ABCD2: variants seen among roughly 807,000 people sequenced by gnomAD.
ABCD2 encodes ATP-binding cassette sub-family D member 2.
A neutral mutation model predicts 70.9 loss-of-function variants in ABCD2; 36 were observed. The observed-to-expected ratio is 0.51, with a 90% CI of 0.39 to 0.67. The LOEUF (loss-of-function observed/expected upper bound fraction) is 0.67. Ranked by LOEUF, ABCD2 falls within the 30% of genes least tolerant of loss-of-function variation. The probability of loss-of-function intolerance (pLI) is 0.00; values close to 1 mark genes in which losing one functional copy is unlikely to be tolerated. For missense variants in ABCD2, 729 were observed against 890.2 expected (o/e 0.82, Z 2.30); for synonymous variants, 304 against 306.9 (o/e 0.99, Z 0.10).
chr12:39,608,624 G>A (rs1942004126), intron 2 of ABCD2, among the ~76,000 whole-genome samples: 2 of 152,056 alleles, frequency 1.3e-5, no homozygotes, highest in Non-Finnish European at 2.9e-5. Flanking sequence ...GGAGGTGAAG[G>A]TTGCAGTGAG....
At position 39,616,993 on chromosome 12, in the gene ABCD2, T is replaced by C; in HGVS notation, c.1115A>G (p.Asp372Gly). Residue 372 changes from aspartate (D) to glycine (G), a missense_variant, in exon 2 of 10, where the codon GAT becomes GGT. This residue lies in a region of ABCD2 where 195 missense variants were observed against 300.2 expected (regional missense o/e 0.65). Transcript: ENST00000308666. ...TTAAGCATAAATGTCATTACCACCA[T>C]CTGCAAAGCCAGTTGCAGTGATAAT... ...IPIITATGFA[D>G]GEDGQKQVMV... The C allele has an allele frequency of 1.3e-6, 2 of 1,583,788 alleles. No individual in the cohort carries two copies. The highest frequency in any genetic ancestry group is 1.7e-6 in the Non-Finnish European group (2 of 1,170,086).
At chr12:39,554,673 T>A (rs977434633) in intron 9 of ABCD2, among the ~76,000 whole-genome samples, 2 of 152,216 alleles carry the variant, frequency 1.3e-5, no homozygotes, top group Non-Finnish European at 2.9e-5. Context: ...TACTTCCACA[T>A]TTTTATATGA....
At chr12:39,558,364 G>C (rs562358442) in intron 9 of ABCD2, among the ~76,000 whole-genome samples, 1 of 152,256 alleles carries the variant, frequency 6.6e-6, no homozygotes, top group East Asian at 1.9e-4. Context: ...AGACATTGAG[G>C]GGCTGTTGGA....
At chr12:39,574,465 T>C (rs1193355650) in intron 8 of ABCD2, among the ~76,000 whole-genome samples, 2 of 152,252 alleles carry the variant, frequency 1.3e-5, no homozygotes, top group East Asian at 3.9e-4. Context: ...TTTTTAAGCT[T>C]ATTTTTTACT....
chr12:39,571,321 G>C (rs1168449395), intron 9 of ABCD2, among the ~76,000 whole-genome samples: 2 of 152,084 alleles, frequency 1.3e-5, no homozygotes, highest in African/African-American at 4.8e-5. Context: ...ATCAACCCTA[G>C]TGTCCATCAA....
intron 9 of ABCD2, among the ~76,000 whole-genome samples, chr12:39,556,644 G>A (rs535060222): frequency 6.6e-6 from 1 of 152,240 alleles, no homozygotes; most frequent in Middle Eastern, 3.4e-3. Context: ...ATAGCGATAT[G>A]AAAACAGACT....
At chr12:39,547,222 C>A (rs1334817895), downstream of ABCD2, among the ~76,000 whole-genome samples, 2 of 151,956 alleles carry the variant, frequency 1.3e-5, no homozygotes, top group Non-Finnish European at 2.9e-5. Context: ...GAAATTGGAG[C>A]CCTTGTGCAC....
At chr12:39,602,622 A>G (rs147994720) in intron 5 of ABCD2, among the ~76,000 whole-genome samples, 57 of 152,318 alleles carry the variant, frequency 3.7e-4, no homozygotes, top group African/African-American at 1.3e-3. Context: ...TTATGAAGAA[A>G]GTATACTTTA....
chr12:39,542,388 G>C, the ABCD2 span, among the ~76,000 whole-genome samples: 11 of 151,478 alleles, frequency 7.3e-5, no homozygotes, highest in African/African-American at 2.2e-4. Context: ...GCTTGAACCC[G>C]AGAGGTGGAG....
At chr12:39,583,037 T>C (rs1745001082) in intron 7 of ABCD2, among the ~76,000 whole-genome samples, 1 of 151,968 alleles carries the variant, frequency 6.6e-6, no homozygotes, top group Non-Finnish European at 1.5e-5. Flanking sequence ...TTTTTGTATG[T>C]TTTGTAGGGA....
chr12:39,534,701 CGGAAGGAAGGAA>C, the ABCD2 span, among the ~76,000 whole-genome samples: 4 of 111,210 alleles, frequency 3.6e-5, no homozygotes, highest in South Asian at 3.4e-4. Flanking sequence ...GAAGGAAGGA[CGGAAGGAAGGAA>C]GGAAGGAAGG....
chr12:39,544,999 G>T, the ABCD2 span, among the ~76,000 whole-genome samples: 6 of 152,158 alleles, frequency 3.9e-5, no homozygotes, highest in Non-Finnish European at 8.8e-5. Context: ...AATCCACAAA[G>T]AATTTAGAAT....
chr12:39,618,855 AT>A lies in ABCD2; in HGVS notation c.760del (p.Ile254LeufsTer6). On this transcript the variant is annotated frameshift_variant, in exon 1 of 10. Transcript: ENST00000308666. LOFTEE classifies it high-confidence loss of function. ...AAGTCCTGCTAGTAGGGTGGGCCCA[AT>A]TGGGCTTGCTCCTCTGGATGTAGCA... ...QTATSRGASP[I>X]GPTLLAGLVV... The A allele has an allele frequency of 6.2e-7, 1 of 1,614,214 alleles. No individual in the cohort carries two copies. The highest frequency in any genetic ancestry group is 8.5e-7 in the Non-Finnish European group (1 of 1,180,040).
rs1334723107 is a variant in ABCD2 at position 39,552,796 on chromosome 12, A to G, written c.*1116T>C. On this transcript the variant is annotated 3_prime_UTR_variant, in exon 10 of 10. Coordinates refer to ENST00000308666, the MANE Select transcript of ABCD2 (RefSeq NM_005164.4). Reference sequence around the variant, plus strand: ...TACACTTCGTCTAACTTTTATTGCTATTATAGCCCAGTTTGATTTAAAGGA... The same window carrying G: ...TACACTTCGTCTAACTTTTATTGCTGTTATAGCCCAGTTTGATTTAAAGGA... 6.6e-6 allele frequency: 1 copy of G among 151,944 alleles called. No homozygotes were observed. Among genetic ancestry groups the G allele is most frequent in the Non-Finnish European group, 1.5e-5 (1 of 67,856 alleles). 9.4% of individuals were successfully genotyped at this position (151,944 alleles called of 1,614,324 possible).
At chr12:39,614,695 A>T (rs1942092376) in intron 2 of ABCD2, among the ~76,000 whole-genome samples, 1 of 152,122 alleles carries the variant, frequency 6.6e-6, no homozygotes, top group Non-Finnish European at 1.5e-5. Context: ...AACCTTAAAG[A>T]TATACTATTA....
intron 3 of ABCD2, among the ~76,000 whole-genome samples, 170 bp from the exon 4 acceptor site, chr12:39,605,100 A>G (rs1252643001): frequency 1.3e-5 from 2 of 152,136 alleles, no homozygotes; most frequent in Non-Finnish European, 2.9e-5. Flanking sequence ...ACAAAAGAGC[A>G]CTATAACACA....
chr12:39,581,716 G>A (rs1232090562), intron 7 of ABCD2, among the ~76,000 whole-genome samples: 1 of 152,128 alleles, frequency 6.6e-6, no homozygotes, highest in Non-Finnish European at 1.5e-5. Flanking sequence ...TGGGTCAAAG[G>A]ACACTTTAAC....
downstream of ABCD2, among the ~76,000 whole-genome samples, chr12:39,546,130 T>A (rs74088722): frequency 2.5e-3 from 375 of 152,256 alleles, 2 homozygotes; most frequent in African/African-American, 8.5e-3. Context: ...ATGCCTAATT[T>A]TTCTGTTCAG....
At chr12:39,585,947 T>C (rs532207949) in intron 7 of ABCD2, among the ~76,000 whole-genome samples, 1 of 152,074 alleles carries the variant, frequency 6.6e-6, no homozygotes, top group Non-Finnish European at 1.5e-5. Flanking sequence ...GGAGACTTAA[T>C]AAAAACTTAG....
Sources: gnomAD v4.1 joint callset for allele counts (sites outside exome capture counted in the v4.1 genomes callset) on GRCh38, gnomAD v4.1.1 for gene constraint, gnomAD v4.1.1 regional missense constraint, MANE v1.5 for transcripts, NCBI Gene and HGNC (gene_info 2026-07-23, HGNC 2026-07-21) for gene names.